ZMIZ2: variants seen among roughly 807,000 people sequenced by gnomAD.
ZMIZ2 encodes the protein zinc finger MIZ domain-containing protein 2.
A neutral mutation model predicts 93.9 loss-of-function variants in ZMIZ2; 26 were observed. The observed-to-expected ratio is 0.28, with a 90% confidence interval of 0.20 to 0.38. The LOEUF is 0.38. ZMIZ2 is among the 10% of genes least tolerant of loss of function. The probability of loss-of-function intolerance (pLI) is 1.00; values close to 1 mark genes in which losing one functional copy is unlikely to be tolerated. For synonymous variants in ZMIZ2, 485 were observed against 516.4 expected, an observed-to-expected ratio of 0.94 and a Z score of 0.82; for missense variants, 1,023 against 1,235.0, an observed-to-expected ratio of 0.83 and a Z score of 2.57.
chr7:44,760,603 T>A lies in ZMIZ2; in HGVS notation c.1240+10T>A. 1 of 1,613,486 alleles carries A rather than the reference T, an allele frequency of 6.2e-7. No individual in the cohort carries two copies. Among genetic ancestry groups the A allele is most frequent in the Non-Finnish European group, 8.5e-7 (1 of 1,179,794 alleles). On this transcript the variant is annotated intron_variant, in intron 9 of 18. Transcript: ENST00000309315. ...CACTCATCGCCCTCTGGTAAGTCTG[T>A]CCACTCTTGGGACAGCGGGGTGACA...
Position 44,753,167 on chromosome 7 carries a change from CTT to C in ZMIZ2, c.-62-3019_-62-3018del, listed in dbSNP as rs1349575773. On this transcript the variant is annotated intron_variant, in intron 1 of 18. Coordinates refer to ENST00000309315, the MANE Select transcript of ZMIZ2 (RefSeq NM_031449.4). Reference sequence around the variant, plus strand: ...GTATATTCTCTTTGGCAAAGTGTCTCTTTATGTTTTTTGCTTATTTTCTAATT... The same window carrying C: ...GTATATTCTCTTTGGCAAAGTGTCTCTATGTTTTTTGCTTATTTTCTAATT... Among the ~76,000 whole-genome samples, 10 of 149,192 alleles carry C rather than the reference CTT, an allele frequency of 6.7e-5. No homozygotes were observed. The South Asian group carries it at 8.6e-4, about 13-fold the overall frequency.
chr7:44,767,415 C>A, intron 18 of ZMIZ2, 101 bp from the exon 19 acceptor site: 1 of 1,027,688 alleles, frequency 9.7e-7, no homozygotes, highest in Non-Finnish European at 1.5e-6. Flanking sequence ...TCAGCATCCC[C>A]ACTGTGCCTG....
In ZMIZ2 at chr7:44,768,278, T is replaced by C. The variant is rs1028690215; in HGVS notation, c.*655T>C. On this transcript the variant is annotated 3_prime_UTR_variant, in exon 19 of 19. Coordinates refer to ENST00000309315, the MANE Select transcript of ZMIZ2 (RefSeq NM_031449.4). ...TACATAGTGTAGAAACACTAACAGC[T>C]GGGAGAGGGGAGCCAGCTGTCCAGC... is the stretch of plus-strand genomic sequence containing the variant. 1 of 153,266 alleles carries C rather than the reference T, an allele frequency of 6.5e-6. No individual in the cohort carries two copies. Among genetic ancestry groups the C allele is most frequent in the Non-Finnish European group, 1.5e-5 (1 of 68,634 alleles). 9.5% of individuals were successfully genotyped at this position (153,266 alleles called of 1,614,324 possible).
chr7:44,759,182 C>G, intron 6 of ZMIZ2, 99 bp from the exon 7 acceptor site: 1 of 1,160,346 alleles, frequency 8.6e-7, no homozygotes, highest in Non-Finnish European at 1.2e-6. Flanking sequence ...AGGAAATCTC[C>G]ATTCCCCGAA....
chr7:44,754,854 C>T (rs1790457546), intron 1 of ZMIZ2, among the ~76,000 whole-genome samples: 1 of 152,204 alleles, frequency 6.6e-6, no homozygotes, highest in African/African-American at 2.4e-5. Flanking sequence ...AGCGGCCTCT[C>T]CTGTGCTGCA....
In ZMIZ2 at chr7:44,764,930, T is replaced by C. The variant is rs558454305; in HGVS notation, c.1929-11T>C. The C allele has an allele frequency of 1.2e-6, 2 of 1,614,164 alleles. No individual in the cohort carries two copies. The highest frequency in any genetic ancestry group is 1.7e-5 in the Admixed American group (1 of 60,024). On this transcript the variant is annotated splice_polypyrimidine_tract_variant and intron_variant, in intron 14 of 18. Transcript: ENST00000309315. ...AAGGTCTCTGAGCTGTGTCCCTTTT[T>C]TTCCCCACAGCAAGACAGCTTTGCT...
rs1194918764 is a variant in ZMIZ2, at chr7:44,767,692, C to T, written c.*69C>T. 3 of 1,408,186 alleles carry T rather than the reference C, an allele frequency of 2.1e-6. No homozygotes were observed. Among genetic ancestry groups the T allele is most frequent in the Non-Finnish European group, 3.0e-6 (3 of 998,240 alleles). 87.2% of individuals were successfully genotyped at this position (1,408,186 alleles called of 1,614,324 possible). The stretch of plus-strand genomic sequence containing the variant: ...TCACCACAGCCCTGCCCTTCATGCC[C>T]AGCCCCATGGGACACCCGGTGGTCT... On this transcript the variant is annotated 3_prime_UTR_variant, in exon 19 of 19. Coordinates refer to ENST00000309315, the MANE Select transcript of ZMIZ2 (RefSeq NM_031449.4).
intron 1 of ZMIZ2, among the ~76,000 whole-genome samples, chr7:44,749,313 G>C (rs1351127689): frequency 6.6e-6 from 1 of 152,086 alleles, no homozygotes; most frequent in Non-Finnish European, 1.5e-5. Flanking sequence ...TGTAAGCGGC[G>C]CTCGGGGTTC....
At chr7:44,762,851 C>G (rs1791344530) in intron 11 of ZMIZ2, 30 bp from the exon 12 acceptor site, 13 of 1,578,022 alleles carry the variant, frequency 8.2e-6, no homozygotes, top group Non-Finnish European at 1.1e-5. Context: ...GCCCAAGTCC[C>G]CCTGATGACA....
chr7:44,754,282 T>TGG (rs1790403443), intron 1 of ZMIZ2, among the ~76,000 whole-genome samples: 1 of 152,178 alleles, frequency 6.6e-6, no homozygotes, highest in African/African-American at 2.4e-5. Flanking sequence ...TCCAGGTGCC[T>TGG]GGAGCCTTCT....
intron 4 of ZMIZ2, 36 bp downstream of exon 4, chr7:44,757,185 A>T: frequency 6.4e-7 from 1 of 1,566,126 alleles, no homozygotes; most frequent in Non-Finnish European, 8.6e-7. Context: ...GTATGCTAGG[A>T]GCCATCAATC....
At chr7:44,758,770 C>T (rs1414147320) in intron 6 of ZMIZ2, among the ~76,000 whole-genome samples, 3 of 151,892 alleles carry the variant, frequency 2.0e-5, no homozygotes, top group Non-Finnish European at 4.4e-5. Flanking sequence ...AAGCATTAGC[C>T]GGGTGTGGTG....
rs531750029 is a variant in ZMIZ2, at chr7:44,748,989, G to A, written c.-65G>A. 45 of 150,694 alleles carry A rather than the reference G, an allele frequency of 3.0e-4. No homozygotes were observed. The highest frequency in any genetic ancestry group is 1.1e-3 in the African/African-American group (45 of 41,240). 9.3% of individuals were successfully genotyped at this position (150,694 alleles called of 1,614,324 possible). On this transcript the variant is annotated splice_region_variant and 5_prime_UTR_variant, in exon 1 of 19. Transcript: ENST00000309315. The stretch of plus-strand genomic sequence containing the variant: ...GCGAGGGGCCGGGCCAGGCCGGGCG[G>A]AGGTGAGCGGGGTCCTGGGGGTGGC...
chr7:44,764,293 G>A, intron 13 of ZMIZ2, 126 bp from the exon 14 acceptor site: 1 of 834,322 alleles, frequency 1.2e-6, no homozygotes. Context: ...TGAAAACCTG[G>A]TACATGCAGT....
At position 44,760,139 on chromosome 7, in the gene ZMIZ2, T is replaced by C. The variant is rs1405141656; in HGVS notation, c.994-12T>C. 6.2e-7 allele frequency: 1 copy of C among 1,613,846 alleles called. No individual in the cohort carries two copies. Among genetic ancestry groups the C allele is most frequent in the Admixed American group, 1.7e-5 (1 of 60,014 alleles). On this transcript the variant is annotated splice_polypyrimidine_tract_variant and intron_variant, in intron 7 of 18. Coordinates refer to ENST00000309315, the MANE Select transcript of ZMIZ2 (RefSeq NM_031449.4). ...TTGGAGCCCCAGGTGCATGCAGTTT[T>C]CTCTCCCGCAGCCCACAGAGCAGTT...
Position 44,761,960 on chromosome 7 carries a change from G to T in ZMIZ2, c.1596+55G>T, listed in dbSNP as rs746486162. 6.5e-7 allele frequency: 1 copy of T among 1,530,128 alleles called. No individual in the cohort carries two copies. The highest frequency in any genetic ancestry group is 2.4e-5 in the East Asian group (1 of 42,540). The allele number at this position is 1,530,128 out of a possible 1,614,324, so 94.8% of individuals were successfully genotyped here. ...TGTGGCGTGGGGCGGGGTGTGGTGG[G>T]GCCTGGCCCAGCGGTGCCGTGGGGT... On this transcript the variant is annotated intron_variant, in intron 11 of 18. Coordinates refer to ENST00000309315, the MANE Select transcript of ZMIZ2 (RefSeq NM_031449.4). This position sits in a 1 kb window ranked among gnomAD's most constrained non-coding sequence, Gnocchi z 5.8.
Position 44,763,393 on chromosome 7 carries a change from C to T in ZMIZ2, c.1840C>T (p.His614Tyr). ...CAGGATCCAGCTCCCTGCCCGAGGT[C>T]ATGACTGTCGCCACATACAGGTAGG... ...FRRIQLPARGHDCRHIQCFDL... is the reference protein window; with the variant it reads ...FRRIQLPARGYDCRHIQCFDL... The change falls in exon 13 of 19, where the codon CAT becomes TAT. Residue 614 changes from histidine (H) to tyrosine (Y), a missense_variant. Around this residue, in one of 3 missense-constraint regions of ZMIZ2, gnomAD observed 48 missense variants for 99.1 expected, o/e 0.48. Transcript: ENST00000309315. This position sits in a 1 kb window ranked among gnomAD's most constrained non-coding sequence, Gnocchi z 5.6. 1 of 1,614,124 alleles carries T rather than the reference C, an allele frequency of 6.2e-7. No homozygotes were observed. Among genetic ancestry groups the T allele is most frequent in the African/African-American group, 1.3e-5 (1 of 75,058 alleles).
intron 1 of ZMIZ2, among the ~76,000 whole-genome samples, chr7:44,752,495 G>A (rs1019876773): frequency 3.3e-5 from 5 of 152,100 alleles, no homozygotes; most frequent in Non-Finnish European, 7.4e-5. Context: ...TTACAGAAAT[G>A]GAGAAGAGAT....
chr7:44,755,193 C>A (rs1295041486), intron 1 of ZMIZ2, among the ~76,000 whole-genome samples: 1 of 152,226 alleles, frequency 6.6e-6, no homozygotes, highest in Non-Finnish European at 1.5e-5. Flanking sequence ...CTCTGCTGCC[C>A]TGTCCTGAGC....
Sources: allele counts gnomAD v4.1 joint callset (sites outside exome capture counted in the v4.1 genomes callset), GRCh38; gene constraint gnomAD v4.1.1; regional missense constraint gnomAD v4.1.1; non-coding constraint Gnocchi (gnomAD v3.1); transcripts MANE v1.5; gene names NCBI Gene and HGNC (gene_info 2026-07-23, HGNC 2026-07-21).